Variants in CDH4 observed in about 807,000 individuals in gnomAD.
CDH4 encodes cadherin 4.
In CDH4, 33 loss-of-function variants were observed where a neutral mutation model predicts 86.0. The observed-to-expected ratio is 0.38, with a 90% CI of 0.29 to 0.51. CDH4 has a LOEUF of 0.51. Among genes scored for constraint, CDH4 ranks in the 20% least tolerant of loss-of-function variants. The pLI, the probability that CDH4 is intolerant of heterozygous loss-of-function variation, is 0.86. For missense variants in CDH4, 1,114 were observed against 1,307.4 expected (o/e 0.85, Z 2.28); for synonymous variants, 555 against 549.4 (o/e 1.01, Z -0.14).
chr20:61,570,603 G>A (rs2086334572), intron 2 of CDH4: 1 of 698,558 alleles, frequency 1.4e-6, no homozygotes, highest in East Asian at 2.7e-5. Context: ...CCCTTTAAAG[G>A]GTCCTGGTGT....
At chr20:61,893,586 T>G (rs567628106) in intron 7 of CDH4, among the ~76,000 whole-genome samples, 1 of 141,016 alleles carries the variant, frequency 7.1e-6, no homozygotes, top group African/African-American at 2.7e-5. Flanking sequence ...GGTAGGTGGG[T>G]GGATCGATGG....
chr20:61,687,949 A>G (rs1003257025), intron 2 of CDH4, among the ~76,000 whole-genome samples: 8 of 152,188 alleles, frequency 5.3e-5, no homozygotes, highest in African/African-American at 7.2e-5. Flanking sequence ...ACATTCCTTA[A>G]GCACAAGCAT....
intron 2 of CDH4, among the ~76,000 whole-genome samples, chr20:61,390,075 T>C (rs1389723920): frequency 1.3e-5 from 2 of 150,266 alleles, no homozygotes; most frequent in Admixed American, 1.3e-4. Context: ...TAGTGCCACG[T>C]CTGGGAAACC....
At chr20:61,597,599 C>G (rs1911521537) in intron 2 of CDH4, among the ~76,000 whole-genome samples, 1 of 152,200 alleles carries the variant, frequency 6.6e-6, no homozygotes, top group African/African-American at 2.4e-5. Context: ...CCGGGCGAAG[C>G]AGGCAGGGCT....
At chr20:61,438,546 G>A (rs555914091) in intron 2 of CDH4, among the ~76,000 whole-genome samples, 1 of 152,334 alleles carries the variant, frequency 6.6e-6, no homozygotes, top group African/African-American at 2.4e-5. Context: ...AAAATGGCAT[G>A]TGGGTATAAT....
At chr20:61,444,729 A>G (rs997589315) in intron 2 of CDH4, among the ~76,000 whole-genome samples, 2 of 108,268 alleles carry the variant, frequency 1.8e-5, no homozygotes, top group South Asian at 6.0e-4. Context: ...GTGTATATGT[A>G]TGTGTGTTTC....
At chr20:61,412,378 G>A (rs1278517663) in intron 2 of CDH4, among the ~76,000 whole-genome samples, 3 of 152,168 alleles carry the variant, frequency 2.0e-5, no homozygotes, top group African/African-American at 7.2e-5. Flanking sequence ...ATATTTACAT[G>A]ATGGAAATTG....
At chr20:61,591,700 T>C (rs560544812) in intron 2 of CDH4, among the ~76,000 whole-genome samples, 1 of 152,360 alleles carries the variant, frequency 6.6e-6, no homozygotes, top group Admixed American at 6.5e-5. Context: ...TGCTAAACCC[T>C]ATTGGTTTCT....
In CDH4 at chr20:61,565,270, T is replaced by TGG. The variant is rs1600764292; in HGVS notation, c.170-178293_170-178292insGG. On this transcript the variant is annotated intron_variant, in intron 2 of 15. Coordinates refer to ENST00000614565, the MANE Select transcript of CDH4 (RefSeq NM_001794.5). ...GTGCTCTTGGTGATGGTGGTGGTGG[T>TGG]CCTCTTGGTGATGGGGTGATGGTGG... Among the ~76,000 whole-genome samples the TGG allele has an allele frequency of 6.0e-5, 7 of 116,662 alleles. 2 individuals are homozygous for TGG. Among genetic ancestry groups the TGG allele is most frequent in the Admixed American group, 1.8e-4 (2 of 11,328 alleles). The allele number at this position is 116,662 out of a possible 152,430, so 76.5% of individuals were successfully genotyped here. A position where few individuals can be genotyped will look rare whatever the true frequency, so the allele number is the denominator to read the frequency against.
At chr20:61,294,922 C>T (rs1049224360) in intron 2 of CDH4, among the ~76,000 whole-genome samples, 3 of 152,208 alleles carry the variant, frequency 2.0e-5, no homozygotes, top group Non-Finnish European at 2.9e-5. Context: ...AAACCCCACC[C>T]GAGCTCCACC....
At chr20:61,839,281 T>A (rs950353986) in intron 4 of CDH4, among the ~76,000 whole-genome samples, 1 of 152,100 alleles carries the variant, frequency 6.6e-6, no homozygotes, top group African/African-American at 2.4e-5. Context: ...CCGCCGGGTG[T>A]GCATGGGGGA....
chr20:61,875,293 G>C (rs1983969644), intron 7 of CDH4, among the ~76,000 whole-genome samples: 1 of 152,176 alleles, frequency 6.6e-6, no homozygotes, highest in Non-Finnish European at 1.5e-5. Context: ...AAATCGTAAG[G>C]GGGTGGTGCC....
chr20:61,324,242 A>G (rs779366051), intron 2 of CDH4, among the ~76,000 whole-genome samples: 1 of 152,188 alleles, frequency 6.6e-6, no homozygotes, highest in African/African-American at 2.4e-5. Flanking sequence ...TATGTGGTAC[A>G]GTCCAGGAAG....
intron 2 of CDH4, among the ~76,000 whole-genome samples, chr20:61,555,111 G>A (rs2086167392): frequency 1.3e-5 from 2 of 152,200 alleles, no homozygotes; most frequent in Non-Finnish European, 2.9e-5. Context: ...AGCCGTATGT[G>A]TGTGTGTGTG....
intron 2 of CDH4, among the ~76,000 whole-genome samples, chr20:61,329,391 T>C (rs1000654329): frequency 7.9e-5 from 12 of 151,062 alleles, no homozygotes; most frequent in African/African-American, 3.0e-4. Flanking sequence ...TTAAGCCCAG[T>C]GTGCTGCAGT....
chr20:61,796,440 C>A (rs7261632), intron 4 of CDH4, among the ~76,000 whole-genome samples: 1 of 152,066 alleles, frequency 6.6e-6, no homozygotes, highest in Non-Finnish European at 1.5e-5. Flanking sequence ...CCCCCAGCCC[C>A]GCGTCCTACA....
chr20:61,578,069 T>A (rs576536852), intron 2 of CDH4, among the ~76,000 whole-genome samples: 2 of 152,296 alleles, frequency 1.3e-5, no homozygotes, highest in South Asian at 2.1e-4. Flanking sequence ...CAAATCTCTC[T>A]GTGTCCCGAC....
chr20:61,551,213 G>A (rs1247921068), intron 2 of CDH4, among the ~76,000 whole-genome samples: 2 of 152,164 alleles, frequency 1.3e-5, no homozygotes, highest in African/African-American at 4.8e-5. Flanking sequence ...ATTATTTTGT[G>A]CGTTTCAGTC....
intron 2 of CDH4, among the ~76,000 whole-genome samples, chr20:61,602,505 A>G (rs1366616726): frequency 1.3e-5 from 2 of 152,084 alleles, no homozygotes; most frequent in East Asian, 1.9e-4. Flanking sequence ...ATCAATAATA[A>G]TAACAGTAAA....
Sources: allele counts gnomAD v4.1 joint callset (sites outside exome capture counted in the v4.1 genomes callset), GRCh38; gene constraint gnomAD v4.1.1; transcripts MANE v1.5; gene names NCBI Gene and HGNC (gene_info 2026-07-23, HGNC 2026-07-21).